The following SORCS2 variants were observed in gnomAD, a reference collection of about 807,000 sequenced individuals.
SORCS2 encodes sortilin related VPS10 domain containing receptor 2, also known as VPS10 domain-containing receptor SorCS2.
Under a neutral mutation model 141.6 loss-of-function variants are expected in SORCS2, and 100 were observed. The observed-to-expected ratio is 0.71, with a 90% CI of 0.60 to 0.83. The LOEUF (loss-of-function observed/expected upper bound fraction) is 0.83. Among genes scored for constraint, SORCS2 ranks in the 40% least tolerant of loss-of-function variants. SORCS2 has a pLI of 0.00. For missense variants in SORCS2, 1,646 were observed against 1,560.2 expected (o/e 1.05, Z -0.93); for synonymous variants, 789 against 676.9 (o/e 1.17, Z -2.57).
intron 3 of SORCS2, among the ~76,000 whole-genome samples, chr4:7,609,316 C>T: frequency 6.6e-6 from 1 of 152,092 alleles, no homozygotes; most frequent in East Asian, 1.9e-4. Flanking sequence ...AATTCTAAAC[C>T]AGCCAAAGTT....
At chr4:7,245,410 T>C (rs914626466) in intron 1 of SORCS2, among the ~76,000 whole-genome samples, 1 of 152,214 alleles carries the variant, frequency 6.6e-6, no homozygotes, top group Non-Finnish European at 1.5e-5. Flanking sequence ...GATATGGAAT[T>C]TTTCTGGTGG....
chr4:7,418,471 G>T (rs1231318522), intron 2 of SORCS2, among the ~76,000 whole-genome samples: 2 of 152,194 alleles, frequency 1.3e-5, no homozygotes, highest in African/African-American at 2.4e-5. Context: ...AAGTCTGAGA[G>T]ACTGACAATG....
At position 7,462,121 on chromosome 4, in the gene SORCS2, G is replaced by A. The variant is rs189449858; in HGVS notation, c.548+65766G>A. 9.4e-3 allele frequency among the ~76,000 whole-genome samples: 1,435 copies of A among 152,308 alleles called. 22 individuals are homozygous for A. The highest frequency in any genetic ancestry group is 0.033 in the African/African-American group (1,355 of 41,562). ...AGCCACCCAGAGTGCCTTGGAGCCC[G>A]GCCTGTGTGCTTCGCTCTTCCCTGG... On this transcript the variant is annotated intron_variant, in intron 2 of 26. Transcript: ENST00000507866.
chr4:7,571,238 G>A (rs1228389530), intron 3 of SORCS2, among the ~76,000 whole-genome samples: 1 of 152,216 alleles, frequency 6.6e-6, no homozygotes, highest in East Asian at 1.9e-4. Flanking sequence ...CCTTGTATTG[G>A]GTGCTGCAAC....
intron 1 of SORCS2, among the ~76,000 whole-genome samples, chr4:7,363,243 A>G (rs1338403137): frequency 6.7e-6 from 1 of 149,498 alleles, no homozygotes; most frequent in Non-Finnish European, 1.5e-5. Context: ...CACCACCATC[A>G]CCATCATCAC....
intron 3 of SORCS2, among the ~76,000 whole-genome samples, chr4:7,569,271 G>T (rs1186478163): frequency 2.0e-5 from 3 of 152,218 alleles, no homozygotes; most frequent in Admixed American, 6.5e-5. Context: ...CCAGCACTTT[G>T]GGAGGCTGAG....
chr4:7,467,795 C>T (rs752440712), intron 2 of SORCS2, among the ~76,000 whole-genome samples: 15 of 152,358 alleles, frequency 9.8e-5, no homozygotes, highest in Admixed American at 3.9e-4. Context: ...TGCTGTGGCT[C>T]CCGGAGCCGG....
chr4:7,521,649 A>G (rs955068329), intron 2 of SORCS2, among the ~76,000 whole-genome samples: 1 of 152,348 alleles, frequency 6.6e-6, no homozygotes, highest in African/African-American at 2.4e-5. Context: ...ACCGAAGCTC[A>G]GAATGAATTC....
chr4:7,635,999 T>C (rs1449105060), intron 3 of SORCS2, among the ~76,000 whole-genome samples: 1 of 152,220 alleles, frequency 6.6e-6, no homozygotes, highest in East Asian at 1.9e-4. Flanking sequence ...TTTTGCTCCA[T>C]GAGCTTAATT....
At chr4:7,340,457 C>T (rs757276680) in intron 1 of SORCS2, among the ~76,000 whole-genome samples, 22 of 152,344 alleles carry the variant, frequency 1.4e-4, no homozygotes, top group Admixed American at 3.3e-4. Context: ...GAGGGCAGCC[C>T]GGATCCTGGC....
chr4:7,228,004 C>A (rs962218737), intron 1 of SORCS2, among the ~76,000 whole-genome samples: 1 of 152,176 alleles, frequency 6.6e-6, no homozygotes, highest in African/African-American at 2.4e-5. Flanking sequence ...AGCGGGAGCT[C>A]ATGGGTGGCA....
At chr4:7,369,505 C>T (rs887044498) in intron 1 of SORCS2, among the ~76,000 whole-genome samples, 1 of 152,176 alleles carries the variant, frequency 6.6e-6, no homozygotes, top group East Asian at 1.9e-4. Flanking sequence ...GGCACAGAGC[C>T]GTATTTGCTA....
chr4:7,551,391 A>T (rs1228640249), intron 3 of SORCS2, among the ~76,000 whole-genome samples: 1 of 152,180 alleles, frequency 6.6e-6, no homozygotes, highest in African/African-American at 2.4e-5. Flanking sequence ...TAGGGATCCT[A>T]CCATTGAGAA....
At position 7,718,173 on chromosome 4, in the gene SORCS2, GGCAGGA is replaced by G; in HGVS notation, c.2420_2424+1del. On this transcript the variant is annotated inframe_deletion, in exon 18 of 27. Coordinates refer to ENST00000507866, the MANE Select transcript of SORCS2 (RefSeq NM_020777.3). ...GGAGAGGACGTCCTGTTTGTGGTGC[GGCAGGA>G]GCAGGTGAGTGAGCACCTCCCAGCA... is the stretch of plus-strand genomic sequence containing the variant. The G allele has an allele frequency of 1.2e-6, 2 of 1,610,156 alleles. No individual in the cohort carries two copies. The highest frequency in any genetic ancestry group is 8.5e-7 in the Non-Finnish European group (1 of 1,179,252).
At chr4:7,477,580 G>A (rs945174265) in intron 2 of SORCS2, among the ~76,000 whole-genome samples, 4 of 152,158 alleles carry the variant, frequency 2.6e-5, no homozygotes, top group African/African-American at 9.7e-5. Flanking sequence ...CAAAGCCGGG[G>A]TCTGAGGCTC....
chr4:7,222,014 G>A (rs1728731733), intron 1 of SORCS2, among the ~76,000 whole-genome samples: 3 of 152,160 alleles, frequency 2.0e-5, no homozygotes, highest in Non-Finnish European at 4.4e-5. Flanking sequence ...AATGGAGCAA[G>A]TGATGACCCA....
At chr4:7,529,295 G>A (rs1421979076) in intron 2 of SORCS2, among the ~76,000 whole-genome samples, 2 of 142,464 alleles carry the variant, frequency 1.4e-5, no homozygotes, top group East Asian at 2.3e-4. Flanking sequence ...CCCTCCACCC[G>A]CACCCCTACA....
At chr4:7,289,149 A>G (rs1716443631) in intron 1 of SORCS2, among the ~76,000 whole-genome samples, 1 of 152,196 alleles carries the variant, frequency 6.6e-6, no homozygotes, top group Non-Finnish European at 1.5e-5. Context: ...CAGGGAGCCC[A>G]GATACAGTTG....
chr4:7,654,023 A>G, intron 4 of SORCS2, 111 bp from the exon 5 acceptor site: 1 of 1,040,684 alleles, frequency 9.6e-7, no homozygotes, highest in Admixed American at 2.1e-5. Context: ...TCCGCTGGAC[A>G]AGGATGACTT....
Sources: gnomAD v4.1 joint callset for allele counts (sites outside exome capture counted in the v4.1 genomes callset) on GRCh38, gnomAD v4.1.1 for gene constraint, MANE v1.5 for transcripts, NCBI Gene and HGNC (gene_info 2026-07-23, HGNC 2026-07-21) for gene names.